The following DGKB variants were observed in gnomAD, a reference collection of about 807,000 sequenced individuals.
DGKB encodes diacylglycerol kinase beta, also known as 90 kDa diacylglycerol kinase.
DGKB carries 67 observed loss-of-function variants against 114.3 expected under a neutral mutation model. The ratio of observed to expected loss-of-function variants is 0.59; its 90% CI spans 0.48 to 0.72. The LOEUF (loss-of-function observed/expected upper bound fraction) is 0.72, where lower values mean the gene tolerates loss of function less well. DGKB is among the 30% of genes least tolerant of loss of function. DGKB has a pLI of 0.00. For synonymous variants in DGKB, 398 were observed against 323.1 expected, an observed-to-expected ratio of 1.23 and a Z score of -2.49; for missense variants, 907 against 975.2, an observed-to-expected ratio of 0.93 and a Z score of 0.93.
chr7:14,250,329 A>G (rs1164598125), intron 23 of DGKB, among the ~76,000 whole-genome samples: 1 of 151,884 alleles, frequency 6.6e-6, no homozygotes, highest in African/African-American at 2.4e-5. Context: ...GCCGTATCAC[A>G]TGGGTTTCAG....
intron 1 of DGKB, among the ~76,000 whole-genome samples, chr7:14,892,941 T>C (rs970097602): frequency 1.3e-5 from 2 of 149,908 alleles, no homozygotes. Context: ...TGTGTATATA[T>C]ACACACACAT....
At chr7:14,228,474 A>T (rs1791181146) in intron 23 of DGKB, among the ~76,000 whole-genome samples, 2 of 152,004 alleles carry the variant, frequency 1.3e-5, no homozygotes, top group South Asian at 2.1e-4. Flanking sequence ...ACTTGAAGAG[A>T]CACTAAATTT....
intron 1 of DGKB, among the ~76,000 whole-genome samples, chr7:14,951,178 T>C (rs1330530196): frequency 1.3e-5 from 2 of 152,014 alleles, no homozygotes; most frequent in East Asian, 3.9e-4. Context: ...TTTTCCTTCC[T>C]GAGATGGGAA....
intron 13 of DGKB, among the ~76,000 whole-genome samples, chr7:14,659,327 T>C (rs1816546134): frequency 6.6e-6 from 1 of 152,122 alleles, no homozygotes; most frequent in East Asian, 1.9e-4. Flanking sequence ...CTGGGCAGTA[T>C]GGCAATTTTC....
intron 20 of DGKB, among the ~76,000 whole-genome samples, chr7:14,552,961 G>A (rs114313057): frequency 9.9e-5 from 15 of 152,284 alleles, no homozygotes; most frequent in African/African-American, 3.1e-4. Context: ...AAGAGCCAGT[G>A]GTCTTAAGGC....
intron 21 of DGKB, among the ~76,000 whole-genome samples, chr7:14,376,444 T>C (rs986475103): frequency 6.6e-6 from 1 of 152,194 alleles, no homozygotes; most frequent in South Asian, 2.1e-4. Flanking sequence ...AAAATAACCT[T>C]ACATCAGATG....
chr7:14,307,176 G>T (rs900764549), intron 23 of DGKB, among the ~76,000 whole-genome samples: 1 of 152,068 alleles, frequency 6.6e-6, no homozygotes, highest in Admixed American at 6.6e-5. Flanking sequence ...ATAATTGAGG[G>T]TTACATTTAA....
Position 14,694,069 on chromosome 7 carries a change from G to T in DGKB, c.711+6C>A. On this transcript the variant is annotated splice_donor_region_variant and intron_variant, in intron 9 of 25. Coordinates refer to ENST00000402815, the MANE Select transcript of DGKB (RefSeq NM_001350709.2). The stretch of plus-strand genomic sequence containing the variant: ...CCAGGCCACCCTCCTCTGTGGAAAT[G>T]CTTACATTTTCTAAGCCCAGGAGCA... 1 of 1,576,612 alleles carries T rather than the reference G, an allele frequency of 6.3e-7. No individual in the cohort carries two copies. Among genetic ancestry groups the T allele is most frequent in the Admixed American group, 1.8e-5 (1 of 54,550 alleles).
chr7:14,304,862 A>G (rs1412923367), intron 23 of DGKB, among the ~76,000 whole-genome samples: 1 of 152,166 alleles, frequency 6.6e-6, no homozygotes, highest in Non-Finnish European at 1.5e-5. Context: ...ACAATATAGT[A>G]TTACAAAACC....
chr7:14,422,706 T>C (rs757342104), intron 21 of DGKB, among the ~76,000 whole-genome samples: 1 of 152,000 alleles, frequency 6.6e-6, no homozygotes, highest in Non-Finnish European at 1.5e-5. Flanking sequence ...TAGTACTTAA[T>C]CCTATGGTTG....
chr7:14,557,621 C>A (rs1259104244), intron 20 of DGKB, among the ~76,000 whole-genome samples: 1 of 151,804 alleles, frequency 6.6e-6, no homozygotes, highest in Admixed American at 6.6e-5. Context: ...TTTTGTCCTC[C>A]ATATACAGTT....
rs142284969 is a variant in DGKB, at chr7:14,166,999, C to A, written c.2304+9840G>T. ...CCAAGGCAGGCGGATTGCCTGAGCT[C>A]AGAAGTCTAAGACCATCCTGGCTAA... On this transcript the variant is annotated intron_variant, in intron 25 of 25. Transcript: ENST00000402815. Among the ~76,000 whole-genome samples the A allele has an allele frequency of 9.7e-3, 1,476 of 152,116 alleles. 29 individuals are homozygous for A. The highest frequency in any genetic ancestry group is 0.029 in the African/African-American group (1,214 of 41,494).
intron 23 of DGKB, among the ~76,000 whole-genome samples, chr7:14,202,303 CAG>C (rs1282371334): frequency 6.6e-6 from 1 of 151,942 alleles, no homozygotes; most frequent in Non-Finnish European, 1.5e-5. Context: ...GGTTTGCTCA[CAG>C]TAATTCAGCA....
intron 5 of DGKB, among the ~76,000 whole-genome samples, chr7:14,723,669 G>C (rs1829595749): frequency 6.6e-6 from 1 of 151,752 alleles, no homozygotes; most frequent in Admixed American, 6.6e-5. Context: ...TGTAATTAGA[G>C]CGTATTAGTC....
chr7:14,471,840 C>G (rs1781461358), intron 21 of DGKB, among the ~76,000 whole-genome samples: 1 of 151,670 alleles, frequency 6.6e-6, no homozygotes, highest in African/African-American at 2.4e-5. Context: ...AGAATAAATA[C>G]CTATTGAGTA....
intron 1 of DGKB, among the ~76,000 whole-genome samples, chr7:14,853,747 A>G (rs1849715580): frequency 6.6e-6 from 1 of 151,552 alleles, no homozygotes; most frequent in South Asian, 2.1e-4. Flanking sequence ...GGGCGCCTGT[A>G]GTCCCAGCTA....
At chr7:14,663,113 A>C (rs1817449698) in intron 13 of DGKB, among the ~76,000 whole-genome samples, 1 of 152,048 alleles carries the variant, frequency 6.6e-6, no homozygotes, top group Non-Finnish European at 1.5e-5. Context: ...TGAAAAACCC[A>C]GGATTAAAAT....
intron 23 of DGKB, among the ~76,000 whole-genome samples, chr7:14,259,856 G>GAAAC (rs1442143079): frequency 3.9e-5 from 6 of 152,118 alleles, no homozygotes; most frequent in Non-Finnish European, 8.8e-5. Context: ...CATTGTCATT[G>GAAAC]AAACATTAAA....
intron 13 of DGKB, among the ~76,000 whole-genome samples, chr7:14,653,425 T>C (rs1423143562): frequency 1.3e-5 from 2 of 151,856 alleles, no homozygotes; most frequent in Non-Finnish European, 1.5e-5. Flanking sequence ...AAACACCGCA[T>C]ATTCTCACTC....
Sources: allele counts gnomAD v4.1 joint callset (sites outside exome capture counted in the v4.1 genomes callset), GRCh38; gene constraint gnomAD v4.1.1; transcripts MANE v1.5; gene names NCBI Gene and HGNC (gene_info 2026-07-23, HGNC 2026-07-21).